PCIF1: variants seen among roughly 807,000 people sequenced by gnomAD.
PCIF1 encodes the protein phosphorylated CTD interacting factor 1.
PCIF1 carries 12 observed loss-of-function variants against 86.9 expected under a neutral mutation model. The ratio of observed to expected loss-of-function variants is 0.14; its 90% CI spans 0.09 to 0.22. The LOEUF is 0.22. Among genes scored for constraint, PCIF1 ranks in the 10% least tolerant of loss-of-function variants. The pLI, the probability that PCIF1 is intolerant of heterozygous loss-of-function variation, is 1.00. For synonymous variants in PCIF1, 397 were observed against 372.0 expected (o/e 1.07, Z -0.77); for missense variants, 701 against 951.1 (o/e 0.74, Z 3.46).
At chr20:45,939,148 G>C in intron 3 of PCIF1, 25 bp downstream of exon 3, 1 of 1,614,112 alleles carries the variant, frequency 6.2e-7, no homozygotes, top group South Asian at 1.1e-5. Context: ...CAGTAGTGGG[G>C]TGGTGGGGTA....
rs1048240027 is a variant in PCIF1 at position 45,940,669 on chromosome 20, G to A, written c.387+57G>A. 3.9e-5 allele frequency: 62 copies of A among 1,575,906 alleles called. No homozygotes were observed. The African/African-American group carries it at 7.6e-4, about 19-fold the overall frequency. On this transcript the variant is annotated intron_variant, in intron 5 of 16. Coordinates refer to ENST00000372409, the MANE Select transcript of PCIF1 (RefSeq NM_022104.4). The stretch of plus-strand genomic sequence containing the variant: ...AGCGGCCGGCTCAGACGGGCCGCCT[G>A]CAGGCTCCCTGCAGGGGCTGGGCAT...
At position 45,944,875 on chromosome 20, in the gene PCIF1, T is replaced by C. The variant is rs770807664; in HGVS notation, c.1013T>C (p.Leu338Pro). ...CCAGAATGTGTCCTCTAGGATCGCC[T>C]GGAGCATCTGCGGAGGCAGTGTGGC... Reference protein sequence around the residue: ...SASKEDYMDRLEHLRRQCGPH... With the variant: ...SASKEDYMDRPEHLRRQCGPH... Residue 338 changes from leucine (L) to proline (P), a missense_variant, in exon 11 of 17, where the codon CTG becomes CCG. Leu to Pro is a moderately conservative substitution (Grantham distance 98). Coordinates refer to ENST00000372409, the MANE Select transcript of PCIF1 (RefSeq NM_022104.4). The C allele has an allele frequency of 6.2e-7, 1 of 1,613,484 alleles. No individual in the cohort carries two copies.
chr20:45,935,061 GCT>G (rs1282573402), intron 1 of PCIF1, among the ~76,000 whole-genome samples: 1 of 151,838 alleles, frequency 6.6e-6, no homozygotes, highest in Non-Finnish European at 1.5e-5. Context: ...TTTGTGTCGG[GCT>G]CCGACTCTGA....
chr20:45,942,540 C>T (rs1036068004), intron 7 of PCIF1, among the ~76,000 whole-genome samples: 2 of 151,840 alleles, frequency 1.3e-5, no homozygotes, highest in African/African-American at 4.8e-5. Context: ...GTCTCTAACT[C>T]CTGACCTCAG....
chr20:45,942,950 A>G, intron 7 of PCIF1, 147 bp from the exon 8 acceptor site: 2 of 761,692 alleles, frequency 2.6e-6, no homozygotes, highest in South Asian at 3.7e-5. Context: ...TGATTCTTAG[A>G]ATATATTTTG....
intron 14 of PCIF1, 40 bp downstream of exon 14, chr20:45,946,424 G>A (rs759311473): frequency 1.9e-6 from 3 of 1,599,546 alleles, no homozygotes; most frequent in Non-Finnish European, 2.6e-6. Context: ...GGCCAGGGAA[G>A]AGGTCCTCCA....
chr20:45,940,473 A>G lies in PCIF1; in HGVS notation c.250-2A>G. The G allele has an allele frequency of 2.5e-6, 4 of 1,597,032 alleles. No individual in the cohort carries two copies. Among genetic ancestry groups the G allele is most frequent in the Non-Finnish European group, 3.4e-6 (4 of 1,170,582 alleles). On this transcript the variant is annotated splice_acceptor_variant, in intron 4 of 16. Transcript: ENST00000372409. LOFTEE classifies it high-confidence loss of function. ...GCAACTCTGCTGGTCTCCCTCCACC[A>G]GTCGGACCCTTTGGGGCTGAATGCG...
chr20:45,946,966 G>A (rs2083533905), intron 14 of PCIF1, 107 bp from the exon 15 acceptor site: 2 of 871,606 alleles, frequency 2.3e-6, no homozygotes, highest in South Asian at 3.2e-5. Flanking sequence ...CTGGCTTCTG[G>A]ACAGGCCATC....
At position 45,942,766 on chromosome 20, in the gene PCIF1, C is replaced by CTTTTTTTT. The variant is rs780815783; in HGVS notation, c.674-311_674-304dup. Among the ~76,000 whole-genome samples the CTTTTTTTT allele has an allele frequency of 3.3e-4, 24 of 71,758 alleles. 1 individual carries two copies. Among genetic ancestry groups the CTTTTTTTT allele is most frequent in the Admixed American group, 4.6e-4 (3 of 6,580 alleles). 47.1% of individuals were successfully genotyped at this position (71,758 alleles called of 152,430 possible). On this transcript the variant is annotated intron_variant, in intron 7 of 16. Transcript: ENST00000372409. ...AGGAGCTGGGACACCCAGCTAATTT[C>CTTTTTTTT]TTTTTTTTTTTTTTTTTTTTTTTTT...
In PCIF1 at chr20:45,943,112, G is replaced by C; in HGVS notation, c.689G>C (p.Arg230Pro). 1 of 1,613,914 alleles carries C rather than the reference G, an allele frequency of 6.2e-7. No homozygotes were observed. The highest frequency in any genetic ancestry group is 1.1e-5 in the South Asian group (1 of 91,062). Residue 230 changes from arginine to proline, a missense_variant, in exon 8 of 17, where the codon CGG becomes CCG. Coordinates refer to ENST00000372409, the MANE Select transcript of PCIF1 (RefSeq NM_022104.4). The surrounding 1 kb of genome is among the most constrained non-coding windows in gnomAD (Gnocchi z 5.5). ...TGTCCTGCAGGCATTGAGCCTCCAC[G>C]GGAGTCTTTCAACCGCTGGATGCTG... Reference protein sequence around the residue: ...CQQREGIEPPRESFNRWMLER... With the variant: ...CQQREGIEPPPESFNRWMLER...
intron 2 of PCIF1, among the ~76,000 whole-genome samples, chr20:45,938,666 A>G (rs1256025388): frequency 6.6e-6 from 1 of 152,134 alleles, no homozygotes; most frequent in East Asian, 1.9e-4. Flanking sequence ...CACGGCCCTG[A>G]GGAGGAGCTC....
In PCIF1 at chr20:45,945,738, C is replaced by T; in HGVS notation, c.1196C>T (p.Pro399Leu). ...GAGGTGGAGGCCCCTGAGGTGGAGC[C>T]CCGCCTAGTGTACTGCTACCCAGTC... is the stretch of plus-strand genomic sequence containing the variant. ...SEEVEAPEVE[P>L]RLVYCYPVRL... is the part of the protein sequence containing the mutation. Residue 399 changes from proline (P) to leucine (L), a missense_variant, in exon 12 of 17, where the codon CCC (proline) becomes CTC (leucine). Physicochemically the swap from Pro to Leu is moderately conservative, Grantham distance 98. This residue lies in a region of PCIF1 where 121 missense variants were observed against 131.7 expected (regional missense o/e 0.92). Transcript: ENST00000372409. 6.2e-7 allele frequency: 1 copy of T among 1,613,794 alleles called. No individual in the cohort carries two copies. Among genetic ancestry groups the T allele is most frequent in the Non-Finnish European group, 8.5e-7 (1 of 1,179,974 alleles).
At chr20:45,938,419 T>A (rs2083443631) in intron 2 of PCIF1, among the ~76,000 whole-genome samples, 1 of 152,202 alleles carries the variant, frequency 6.6e-6, no homozygotes, top group South Asian at 2.1e-4. Context: ...TTGTTACTAT[T>A]CCTTCTTGTA....
Position 45,943,241 on chromosome 20 carries a change from T to C in PCIF1, c.818T>C (p.Ile273Thr). 6.2e-7 allele frequency: 1 copy of C among 1,614,166 alleles called. No homozygotes were observed. The highest frequency in any genetic ancestry group is 8.5e-7 in the Non-Finnish European group (1 of 1,180,042). The change falls in exon 8 of 17, where the codon ATC (isoleucine) becomes ACC (threonine). Residue 273 changes from isoleucine to threonine, a missense_variant. This residue lies in a region of PCIF1 where 129 missense variants were observed against 245.9 expected (regional missense o/e 0.52). Transcript: ENST00000372409. This position sits in a 1 kb window ranked among gnomAD's most constrained non-coding sequence, Gnocchi z 5.5. ...CGTGAAATCATGAACGACATTCCTATCAGGTACAGCTCCACAGCTGGGGAT... is the reference window on the plus strand; with the variant it reads ...CGTGAAATCATGAACGACATTCCTACCAGGTACAGCTCCACAGCTGGGGAT... The part of the protein sequence containing the change: ...MFREIMNDIP[I>T]RLSRIKFREE...
At chr20:45,938,895 C>T (rs540035531) in intron 2 of PCIF1, 86 bp from the exon 3 acceptor site, 11 of 1,535,270 alleles carry the variant, frequency 7.2e-6, no homozygotes, top group South Asian at 2.4e-5. Flanking sequence ...TTCTCCACAT[C>T]GGTGGGTGGT....
intron 5 of PCIF1, 93 bp from the exon 6 acceptor site, chr20:45,940,716 G>T: frequency 1.3e-6 from 2 of 1,567,786 alleles, no homozygotes; most frequent in Non-Finnish European, 1.7e-6. Context: ...CCAGGAGGGG[G>T]GCCTGGGACA....
intron 11 of PCIF1, 82 bp downstream of exon 11, chr20:45,945,112 C>G (rs1413318125): frequency 6.9e-7 from 1 of 1,457,344 alleles, no homozygotes; most frequent in Non-Finnish European, 9.2e-7. Context: ...GACTGAGCCT[C>G]AAGGCCAGGG....
At position 45,947,457 on chromosome 20, in the gene PCIF1, A is replaced by G; in HGVS notation, c.1883+19A>G. 1 of 1,613,492 alleles carries G rather than the reference A, an allele frequency of 6.2e-7. No homozygotes were observed. The highest frequency in any genetic ancestry group is 8.5e-7 in the Non-Finnish European group (1 of 1,179,930). ...GCAAGAAGTGGGTGCCAGGGAGGGC[A>G]GGGGAAGGAGGCTGGGCTGGCCAGG... On this transcript the variant is annotated intron_variant, in intron 16 of 16. Transcript: ENST00000372409. This position sits in a 1 kb window ranked among gnomAD's most constrained non-coding sequence, Gnocchi z 5.4.
In PCIF1 at chr20:45,944,900, C is replaced by T; in HGVS notation, c.1038C>T (p.Gly346=). The part of the protein sequence containing the change: ...DRLEHLRRQC[G]PHVSAAAKDS... ...TGGAGCATCTGCGGAGGCAGTGTGG[C>T]CCCCACGTCTCGGCCGCAGCCAAGG... The change falls in exon 11 of 17, where the codon GGC becomes GGT. Residue 346 remains glycine, a synonymous_variant. Transcript: ENST00000372409. 6.2e-7 allele frequency: 1 copy of T among 1,613,956 alleles called. No individual in the cohort carries two copies. The highest frequency in any genetic ancestry group is 1.1e-5 in the South Asian group (1 of 91,084).
Sources: gnomAD v4.1 joint callset for allele counts (sites outside exome capture counted in the v4.1 genomes callset) on GRCh38, gnomAD v4.1.1 for gene constraint, gnomAD v4.1.1 regional missense constraint, Gnocchi (gnomAD v3.1) non-coding constraint, MANE v1.5 for transcripts, NCBI Gene and HGNC (gene_info 2026-07-23, HGNC 2026-07-21) for gene names.